The following SH3GL2 variants were observed in gnomAD, a reference collection of about 807,000 sequenced individuals.
SH3GL2 encodes the protein endophilin-A1.
In SH3GL2, 24 loss-of-function variants were observed where a neutral mutation model predicts 46.0. That is an observed-to-expected ratio of 0.52 (90% CI 0.38 to 0.73). The LOEUF (loss-of-function observed/expected upper bound fraction) is 0.73. SH3GL2 is among the 30% of genes least tolerant of loss of function. The pLI is 0.00. For missense variants in SH3GL2, 413 were observed against 424.2 expected, an observed-to-expected ratio of 0.97 and a Z score of 0.23; for synonymous variants, 196 against 147.1, an observed-to-expected ratio of 1.33 and a Z score of -2.40.
rs139938629 is a variant in SH3GL2 at position 17,650,369 on chromosome 9, TTTTG to T, written c.45+71094_45+71097del. On this transcript the variant is annotated intron_variant, in intron 1 of 8. Transcript: ENST00000380607. ...TTGAGGTGATATCCACTTGAAGTTT[TTTTG>T]TTTGTTTGTTTTTTTTAAGACGGAG... is the stretch of plus-strand genomic sequence containing the variant. Among the ~76,000 whole-genome samples the T allele has an allele frequency of 6.3e-3, 958 of 152,174 alleles. 9 individuals are homozygous for T. The highest frequency in any genetic ancestry group is 0.022 in the African/African-American group (911 of 41,520).
intron 1 of SH3GL2, among the ~76,000 whole-genome samples, chr9:17,584,096 A>G (rs1413903414): frequency 1.3e-5 from 2 of 152,154 alleles, no homozygotes; most frequent in African/African-American, 4.8e-5. Flanking sequence ...TATATATTTT[A>G]TAAAATTATA....
At chr9:17,632,495 T>C (rs779672614) in intron 1 of SH3GL2, among the ~76,000 whole-genome samples, 7 of 152,196 alleles carry the variant, frequency 4.6e-5, no homozygotes, top group Non-Finnish European at 8.8e-5. Context: ...GGTGATTTAC[T>C]GTGAGCATGC....
chr9:17,653,804 C>T, intron 1 of SH3GL2: 1 of 835,730 alleles, frequency 1.2e-6, no homozygotes, highest in Non-Finnish European at 1.4e-6. Flanking sequence ...CTGAATTGGG[C>T]TAGTCTTATC....
rs144710760 is a variant in SH3GL2 at position 17,737,706 on chromosome 9, G to C, written c.46-9360G>C. ...TTTTTTGGTTTTGGTCGTTTTCGTT[G>C]GTTCTTTCCCTGCCTCGTCTTTAAT... is the stretch of plus-strand genomic sequence containing the variant. On this transcript the variant is annotated intron_variant, in intron 1 of 8. Transcript: ENST00000380607. 1.2e-3 allele frequency among the ~76,000 whole-genome samples: 187 copies of C among 152,142 alleles called. 3 individuals are homozygous for C. Among genetic ancestry groups the C allele is most frequent in the African/African-American group, 3.9e-3 (160 of 41,520 alleles).
At chr9:17,693,072 C>G (rs1821122406) in intron 1 of SH3GL2, among the ~76,000 whole-genome samples, 2 of 152,106 alleles carry the variant, frequency 1.3e-5, no homozygotes, top group African/African-American at 4.8e-5. Flanking sequence ...CACAGCCAAA[C>G]CATATCAAAT....
At chr9:17,661,082 A>G (rs761167187) in intron 1 of SH3GL2, among the ~76,000 whole-genome samples, 4 of 152,134 alleles carry the variant, frequency 2.6e-5, no homozygotes, top group Non-Finnish European at 5.9e-5. Context: ...GAATCGCTTG[A>G]ACCTGGGAGG....
At chr9:17,746,185 C>T (rs748644572) in intron 1 of SH3GL2, among the ~76,000 whole-genome samples, 10 of 152,184 alleles carry the variant, frequency 6.6e-5, no homozygotes, top group Non-Finnish European at 1.3e-4. Flanking sequence ...ACACCATTCT[C>T]CTGCCTCAGC....
At chr9:17,765,948 C>G (rs953362437) in intron 3 of SH3GL2, among the ~76,000 whole-genome samples, 1 of 152,188 alleles carries the variant, frequency 6.6e-6, no homozygotes, top group South Asian at 2.1e-4. Context: ...TAAAACTTCT[C>G]TAATACAAAA....
chr9:17,689,185 A>G (rs1821003994), intron 1 of SH3GL2, among the ~76,000 whole-genome samples: 2 of 152,092 alleles, frequency 1.3e-5, no homozygotes, highest in African/African-American at 4.8e-5. Context: ...AACACCAGAA[A>G]ACCCCCAACA....
chr9:17,724,459 A>G (rs1402117202), intron 1 of SH3GL2, among the ~76,000 whole-genome samples: 1 of 152,042 alleles, frequency 6.6e-6, no homozygotes, highest in Non-Finnish European at 1.5e-5. Flanking sequence ...CTGCCGAGCC[A>G]TATCTGCTAA....
chr9:17,671,873 G>A (rs1411300621), intron 1 of SH3GL2, among the ~76,000 whole-genome samples: 6 of 152,148 alleles, frequency 3.9e-5, no homozygotes, highest in Admixed American at 6.5e-5. Context: ...AAGGACTTTG[G>A]TTGAATCAGT....
At chr9:17,603,498 G>A (rs10810813) in intron 1 of SH3GL2, among the ~76,000 whole-genome samples, 20,067 of 152,120 alleles carry the variant, frequency 0.13, 1,686 homozygotes, top group Non-Finnish European at 0.18. Context: ...GTTGTGTAAC[G>A]GGTACAGAGT....
At chr9:17,586,480 A>G (rs1818379816) in intron 1 of SH3GL2, among the ~76,000 whole-genome samples, 1 of 152,174 alleles carries the variant, frequency 6.6e-6, no homozygotes, top group Admixed American at 6.5e-5. Flanking sequence ...ACATCTCAAT[A>G]TCAAGCTATG....
chr9:17,582,157 A>G (rs368895858), intron 1 of SH3GL2, among the ~76,000 whole-genome samples: 6 of 152,196 alleles, frequency 3.9e-5, no homozygotes, highest in African/African-American at 7.2e-5. Context: ...GGTTATTTCT[A>G]CCTTGTTGCT....
rs1824189032 is a variant in SH3GL2 at position 17,793,383 on chromosome 9, T to G, written c.745T>G (p.Ser249Ala). 1.2e-6 allele frequency: 2 copies of G among 1,612,404 alleles called. No individual in the cohort carries two copies. The highest frequency in any genetic ancestry group is 1.3e-5 in the African/African-American group (1 of 74,838). Residue 249 changes from serine (S) to alanine (A), a missense_variant, in exon 8 of 9, where the codon TCT becomes GCT. Ser to Ala is a moderately conservative substitution (Grantham distance 99). This residue lies in a region of SH3GL2 where 248 missense variants were observed against 215.0 expected (regional missense o/e 1.15). Transcript: ENST00000380607. Reference sequence around the variant, plus strand: ...TTACTGCAGAATAAGACAGGCTTCATCTCAGCCTAGAAGGGAATATCAACC... The same window carrying G: ...TTACTGCAGAATAAGACAGGCTTCAGCTCAGCCTAGAAGGGAATATCAACC... ...RLEERIRQAS[S>A]QPRREYQPKP...
At chr9:17,650,134 T>C (rs1255830241) in intron 1 of SH3GL2, among the ~76,000 whole-genome samples, 1 of 152,234 alleles carries the variant, frequency 6.6e-6, no homozygotes, top group Admixed American at 6.5e-5. Flanking sequence ...GAGATGATGT[T>C]ATCTACATTC....
At position 17,713,521 on chromosome 9, in the gene SH3GL2, A is replaced by G. The variant is rs536984061; in HGVS notation, c.46-33545A>G. Among the ~76,000 whole-genome samples, 68 of 151,274 alleles carry G rather than the reference A, an allele frequency of 4.5e-4. 1 individual carries two copies. The highest frequency in any genetic ancestry group is 1.4e-3 in the African/African-American group (57 of 41,354). The stretch of plus-strand genomic sequence containing the variant: ...AGACTTTTATTCTTTTCTAACACAG[A>G]TGTTAGGTGGTATAAATTTCTTCTT... On this transcript the variant is annotated intron_variant, in intron 1 of 8. Coordinates refer to ENST00000380607, the MANE Select transcript of SH3GL2 (RefSeq NM_003026.5).
intron 3 of SH3GL2, among the ~76,000 whole-genome samples, chr9:17,783,395 G>C (rs1381894926): frequency 1.3e-5 from 2 of 151,310 alleles, no homozygotes; most frequent in Non-Finnish European, 2.9e-5. Flanking sequence ...CACTAGATAA[G>C]TAGCTGTAGG....
At position 17,608,962 on chromosome 9, in the gene SH3GL2, G is replaced by C. The variant is rs542478974; in HGVS notation, c.45+29675G>C. 1.9e-3 allele frequency among the ~76,000 whole-genome samples: 288 copies of C among 152,292 alleles called. 2 individuals are homozygous for C. The highest frequency in any genetic ancestry group is 6.4e-3 in the African/African-American group (264 of 41,558). On this transcript the variant is annotated intron_variant, in intron 1 of 8. Transcript: ENST00000380607. ...TCTGTTTTGGTGGACAGAGATCCAG[G>C]ACACCCACTTTCACTTACAGGTGAT...
Sources: allele counts gnomAD v4.1 joint callset (sites outside exome capture counted in the v4.1 genomes callset), GRCh38; gene constraint gnomAD v4.1.1; regional missense constraint gnomAD v4.1.1; transcripts MANE v1.5; gene names NCBI Gene and HGNC (gene_info 2026-07-23, HGNC 2026-07-21).